The following CACNA2D3 variants were observed in gnomAD, a reference collection of about 807,000 sequenced individuals.
CACNA2D3 encodes the protein calcium voltage-gated channel auxiliary subunit alpha2delta 3, also known as voltage-dependent calcium channel subunit alpha-2/delta-3.
CACNA2D3 carries 60 observed loss-of-function variants against 160.6 expected under a neutral mutation model. That is an observed-to-expected ratio of 0.37 (90% CI 0.30 to 0.46). The LOEUF is 0.46. CACNA2D3 is among the 20% of genes least tolerant of loss of function. The probability of loss-of-function intolerance (pLI) is 1.00; values close to 1 mark genes in which losing one functional copy is unlikely to be tolerated. For synonymous variants in CACNA2D3, 558 were observed against 492.9 expected, an observed-to-expected ratio of 1.13 and a Z score of -1.75; for missense variants, 1,205 against 1,365.0, an observed-to-expected ratio of 0.88 and a Z score of 1.85.
chr3:54,992,746 C>G (rs1006525494), intron 31 of CACNA2D3, among the ~76,000 whole-genome samples: 1 of 149,048 alleles, frequency 6.7e-6, no homozygotes, highest in African/African-American at 2.5e-5. Flanking sequence ...TTAGTCGGTT[C>G]TCACACTGCT....
At chr3:54,484,681 G>A (rs1382207238) in intron 4 of CACNA2D3, among the ~76,000 whole-genome samples, 3 of 148,496 alleles carry the variant, frequency 2.0e-5, no homozygotes. Flanking sequence ...TCTTTTAATT[G>A]CTTCTTAACT....
intron 11 of CACNA2D3, among the ~76,000 whole-genome samples, chr3:54,652,029 A>G (rs1407780417): frequency 2.6e-5 from 4 of 152,084 alleles, no homozygotes; most frequent in Non-Finnish European, 5.9e-5. Flanking sequence ...CCTCCCTTTG[A>G]CTGGTTGAGA....
In CACNA2D3 at chr3:54,972,344, A is replaced by G. The variant is rs148615042; in HGVS notation, c.2556+2500A>G. On this transcript the variant is annotated intron_variant, in intron 29 of 37. Coordinates refer to ENST00000474759, the MANE Select transcript of CACNA2D3 (RefSeq NM_018398.3). Reference sequence around the variant, plus strand: ...TCTTTGACTCTTAAATTTTGGTTCCAGGCAACCAATTGACACTGTTTTAAA... The same window carrying G: ...TCTTTGACTCTTAAATTTTGGTTCCGGGCAACCAATTGACACTGTTTTAAA... Among the ~76,000 whole-genome samples the G allele has an allele frequency of 5.0e-3, 757 of 152,300 alleles. 6 individuals are homozygous for G. Among genetic ancestry groups the G allele is most frequent in the African/African-American group, 0.017 (717 of 41,576 alleles).
intron 3 of CACNA2D3, among the ~76,000 whole-genome samples, chr3:54,327,809 T>A (rs1704149372): frequency 6.6e-6 from 1 of 152,220 alleles, no homozygotes; most frequent in Admixed American, 6.5e-5. Context: ...TTTTTCTGTT[T>A]GTGCATGAGT....
intron 12 of CACNA2D3, among the ~76,000 whole-genome samples, chr3:54,762,937 A>T (rs1365277907): frequency 6.6e-6 from 1 of 152,072 alleles, no homozygotes; most frequent in Non-Finnish European, 1.5e-5. Flanking sequence ...TAAAAATACA[A>T]AACAGCCGGG....
At chr3:54,464,873 C>T (rs901382599) in intron 4 of CACNA2D3, among the ~76,000 whole-genome samples, 4 of 152,240 alleles carry the variant, frequency 2.6e-5, no homozygotes, top group Non-Finnish European at 5.9e-5. Flanking sequence ...GCGTCGCTTA[C>T]GCTGGGAGCT....
intron 10 of CACNA2D3, among the ~76,000 whole-genome samples, chr3:54,640,795 G>A (rs560318332): frequency 2.0e-4 from 31 of 152,264 alleles, no homozygotes; most frequent in African/African-American, 7.5e-4. Flanking sequence ...ATTATATGCT[G>A]CATTCTGTAC....
At chr3:54,261,428 G>T (rs1455154154) in intron 2 of CACNA2D3, among the ~76,000 whole-genome samples, 5 of 152,214 alleles carry the variant, frequency 3.3e-5, no homozygotes, top group African/African-American at 1.2e-4. Flanking sequence ...CTTAGTCTTG[G>T]TCCTAGGACT....
chr3:54,312,878 G>A (rs1009580552), intron 2 of CACNA2D3, among the ~76,000 whole-genome samples: 10 of 152,146 alleles, frequency 6.6e-5, no homozygotes, highest in African/African-American at 2.4e-4. Flanking sequence ...AGGCTGCCTT[G>A]CTGGGGCATC....
chr3:54,598,815 A>G (rs747783755), intron 9 of CACNA2D3, among the ~76,000 whole-genome samples: 6 of 152,302 alleles, frequency 3.9e-5, no homozygotes, highest in Admixed American at 6.5e-5. Flanking sequence ...GTCCTTGGCC[A>G]TTGGTCAACA....
chr3:54,642,060 T>C (rs571186227), intron 10 of CACNA2D3, 68 bp from the exon 11 acceptor site: 2 of 992,012 alleles, frequency 2.0e-6, no homozygotes, highest in African/African-American at 1.6e-5. Context: ...GTCTCATGTC[T>C]CTGATTTTTC....
At chr3:54,570,346 C>T (rs1702475950) in intron 8 of CACNA2D3, among the ~76,000 whole-genome samples, 1 of 152,162 alleles carries the variant, frequency 6.6e-6, no homozygotes, top group Non-Finnish European at 1.5e-5. Flanking sequence ...GCCACACCAT[C>T]TGAGAGAATG....
Position 54,459,651 on chromosome 3 carries a change from C to A in CACNA2D3, c.382-43841C>A, listed in dbSNP as rs1371039941. 2.0e-5 allele frequency among the ~76,000 whole-genome samples: 3 copies of A among 151,758 alleles called. No individual in the cohort carries two copies. The East Asian group carries it at 5.8e-4, about 29-fold the overall frequency. On this transcript the variant is annotated intron_variant, in intron 4 of 37. Coordinates refer to ENST00000474759, the MANE Select transcript of CACNA2D3 (RefSeq NM_018398.3). ...TTTTTCTTGTAAATTTGTTTGAGTT[C>A]ATTGTAGATTCTGGATATTAGCCCT...
intron 27 of CACNA2D3, among the ~76,000 whole-genome samples, chr3:54,949,388 A>T (rs1437852831): frequency 4.6e-5 from 7 of 152,214 alleles, no homozygotes; most frequent in Non-Finnish European, 8.8e-5. Context: ...TGGCAAAAGT[A>T]ACAGCTGTCT....
intron 27 of CACNA2D3, among the ~76,000 whole-genome samples, chr3:54,922,858 G>T (rs1242728051): frequency 6.6e-6 from 1 of 152,024 alleles, no homozygotes; most frequent in Non-Finnish European, 1.5e-5. Context: ...TCAGCTGAAG[G>T]CATCACCATT....
chr3:54,974,002 C>T (rs1421612807), intron 29 of CACNA2D3, among the ~76,000 whole-genome samples: 1 of 152,148 alleles, frequency 6.6e-6, no homozygotes, highest in Non-Finnish European at 1.5e-5. Flanking sequence ...TCTCTCCCCA[C>T]AAATGAAGAC....
At chr3:55,008,887 A>G (rs1157208326) in intron 33 of CACNA2D3, among the ~76,000 whole-genome samples, 3 of 113,812 alleles carry the variant, frequency 2.6e-5, no homozygotes, top group South Asian at 3.2e-4. Flanking sequence ...ACCTCCCTCT[A>G]TACACACACA....
chr3:54,450,778 T>G (rs1433865726), intron 4 of CACNA2D3, among the ~76,000 whole-genome samples: 1 of 152,124 alleles, frequency 6.6e-6, no homozygotes, highest in Non-Finnish European at 1.5e-5. Context: ...CTAAAGGAAC[T>G]AAGACAATCT....
chr3:54,378,334 G>A (rs1699044043), intron 3 of CACNA2D3, among the ~76,000 whole-genome samples: 1 of 152,280 alleles, frequency 6.6e-6, no homozygotes, highest in South Asian at 2.1e-4. Context: ...TCACAATAGA[G>A]TTCATGCTCC....
Sources: allele counts gnomAD v4.1 joint callset (sites outside exome capture counted in the v4.1 genomes callset), GRCh38; gene constraint gnomAD v4.1.1; transcripts MANE v1.5; gene names NCBI Gene and HGNC (gene_info 2026-07-23, HGNC 2026-07-21).